The following CRIPT variants were observed in gnomAD, a reference collection of about 807,000 sequenced individuals.
CRIPT encodes the protein cysteine-rich PDZ-binding protein.
CRIPT carries 20 observed loss-of-function variants against 16.6 expected under a neutral mutation model. The observed-to-expected ratio is 1.20, with a 90% CI of 0.85 to 1.75. CRIPT has a LOEUF of 1.75. CRIPT is among the 40% of genes most tolerant of loss of function. The pLI, the probability that CRIPT is intolerant of heterozygous loss-of-function variation, is 0.00. For missense variants in CRIPT, 133 were observed against 115.3 expected (o/e 1.15, Z -0.70); for synonymous variants, 42 against 37.0 (o/e 1.14, Z -0.49).
At chr2:46,619,601 C>G (rs760534988) in intron 2 of CRIPT, 26 bp from the exon 3 acceptor site, 15 of 1,547,828 alleles carry the variant, frequency 9.7e-6, no homozygotes, top group Non-Finnish European at 1.3e-5. Context: ...AAATAACCCA[C>G]TAAAATATCT....
chr2:46,622,718 CAGG>C (rs904378405), intron 3 of CRIPT, among the ~76,000 whole-genome samples: 1 of 151,898 alleles, frequency 6.6e-6, no homozygotes, highest in Non-Finnish European at 1.5e-5. Context: ...GAGGCTGAGA[CAGG>C]AGAATTGCTT....
At position 46,626,202 on chromosome 2, in the gene CRIPT, G is replaced by A. The variant is rs1360268310; in HGVS notation, c.*1975G>A. On this transcript the variant is annotated 3_prime_UTR_variant, in exon 5 of 5. Coordinates refer to ENST00000238892, the MANE Select transcript of CRIPT (RefSeq NM_014171.6). ...GAGAACATGCGGTCTTTGGTTTTCT[G>A]TTCCTGTGTATATTCACTATAATGA... Among the ~76,000 whole-genome samples, 1 of 152,190 alleles carries A rather than the reference G, an allele frequency of 6.6e-6. No homozygotes were observed. The highest frequency in any genetic ancestry group is 2.1e-4 in the South Asian group (1 of 4,828).
Position 46,617,253 on chromosome 2 carries a change from T to TGC in CRIPT, c.-30_-29insGC, listed in dbSNP as rs747818861. 11 of 1,553,114 alleles carry TGC rather than the reference T, an allele frequency of 7.1e-6. No individual in the cohort carries two copies. The African/African-American group carries it at 1.5e-4, about 21-fold the overall frequency. On this transcript the variant is annotated 5_prime_UTR_variant, in exon 1 of 5. Transcript: ENST00000238892. ...TTTCAGCCTGCTGCTGCTGCTGCTG[T>TGC]TGCGGCTAGGGGAACCGTCGTGGGG... is the stretch of plus-strand genomic sequence containing the variant.
Position 46,628,833 on chromosome 2 carries a change from A to G in CRIPT, c.*4606A>G, listed in dbSNP as rs1004982210. On this transcript the variant is annotated 3_prime_UTR_variant, in exon 5 of 5. Coordinates refer to ENST00000238892, the MANE Select transcript of CRIPT (RefSeq NM_014171.6). ...ATTTTTAAAAGGAAGACATACAAAC[A>G]GACACTATAACCAAATAAGATGACA... Among the ~76,000 whole-genome samples the G allele has an allele frequency of 5.9e-5, 9 of 152,274 alleles. No homozygotes were observed. The highest frequency in any genetic ancestry group is 1.9e-4 in the African/African-American group (8 of 41,482).
At chr2:46,617,392 C>T (rs1192253772) in intron 1 of CRIPT, 94 bp downstream of exon 1, 10 of 1,375,002 alleles carry the variant, frequency 7.3e-6, no homozygotes, top group Non-Finnish European at 9.0e-6. Flanking sequence ...TTTTTCTTCG[C>T]CCACAGGTCT....
rs1671029608 is a variant in CRIPT, at chr2:46,629,899, A to C, written c.*5672A>C. Among the ~76,000 whole-genome samples the C allele has an allele frequency of 6.6e-6, 1 of 152,208 alleles. No homozygotes were observed. The highest frequency in any genetic ancestry group is 2.4e-5 in the African/African-American group (1 of 41,444). On this transcript the variant is annotated 3_prime_UTR_variant, in exon 5 of 5. Transcript: ENST00000238892. ...AGCATCCTTTGACGATTCTTGTCTG[A>C]ATAAATTTTTACTAGGATGTTTCCA...
chr2:46,622,572 G>C (rs1670837359), intron 3 of CRIPT, among the ~76,000 whole-genome samples: 2 of 152,088 alleles, frequency 1.3e-5, no homozygotes, highest in African/African-American at 2.4e-5. Context: ...CCAGCACTTT[G>C]GGAGGCCAAC....
In CRIPT at chr2:46,628,993, G is replaced by A. The variant is rs765622997; in HGVS notation, c.*4766G>A. ...AAAGAATCTGTTAAGATATCAGATT[G>A]TAATATAAAAGATACTAGAAACAAA... On this transcript the variant is annotated 3_prime_UTR_variant, in exon 5 of 5. Transcript: ENST00000238892. 2.0e-5 allele frequency among the ~76,000 whole-genome samples: 3 copies of A among 152,178 alleles called. No individual in the cohort carries two copies. The highest frequency in any genetic ancestry group is 2.9e-5 in the Non-Finnish European group (2 of 68,028).
At chr2:46,617,403 CAG>C in intron 1 of CRIPT, 105 bp downstream of exon 1, 1 of 1,265,892 alleles carries the variant, frequency 7.9e-7, no homozygotes, top group Non-Finnish European at 1.1e-6. Flanking sequence ...CCACAGGTCT[CAG>C]ATTCTATCCG....
At position 46,627,225 on chromosome 2, in the gene CRIPT, C is replaced by G. The variant is rs1989720; in HGVS notation, c.*2998C>G. On this transcript the variant is annotated 3_prime_UTR_variant, in exon 5 of 5. Transcript: ENST00000238892. Reference sequence around the variant, plus strand: ...TTCAGATGCACAGTTTGTGAATATTCTCTCCCATTCTGTAGGTTGTCTGTT... The same window carrying G: ...TTCAGATGCACAGTTTGTGAATATTGTCTCCCATTCTGTAGGTTGTCTGTT... Among the ~76,000 whole-genome samples the G allele has an allele frequency of 1.2e-4, 18 of 152,062 alleles. No homozygotes were observed. The East Asian group carries it at 2.1e-3, about 18-fold the overall frequency.
At chr2:46,619,759 G>A (rs1670759079) in intron 3 of CRIPT, 78 bp downstream of exon 3, 1 of 1,091,578 alleles carries the variant, frequency 9.2e-7, no homozygotes, top group Non-Finnish European at 1.4e-6. Flanking sequence ...AATTTGATGT[G>A]CATCATTCCA....
At position 46,629,685 on chromosome 2, in the gene CRIPT, T is replaced by G. The variant is rs1032336104; in HGVS notation, c.*5458T>G. 6.6e-6 allele frequency among the ~76,000 whole-genome samples: 1 copy of G among 152,204 alleles called. No individual in the cohort carries two copies. The highest frequency in any genetic ancestry group is 2.4e-5 in the African/African-American group (1 of 41,442). On this transcript the variant is annotated 3_prime_UTR_variant, in exon 5 of 5. Coordinates refer to ENST00000238892, the MANE Select transcript of CRIPT (RefSeq NM_014171.6). ...AAGTGATATGTATTGCAGGTATACATCCAGATGCACAGAATGTCCATTTGT... is the reference window on the plus strand; with the variant it reads ...AAGTGATATGTATTGCAGGTATACAGCCAGATGCACAGAATGTCCATTTGT...
At chr2:46,617,326 G>C in intron 1 of CRIPT, 28 bp downstream of exon 1, 1 of 1,552,376 alleles carries the variant, frequency 6.4e-7, no homozygotes, top group Non-Finnish European at 8.7e-7. Context: ...TTCTGCGGGA[G>C]GAGGAGGCTG....
chr2:46,624,844 A>G lies in CRIPT; in HGVS notation c.*617A>G, dbSNP rs1379871988. Reference sequence around the variant, plus strand: ...ACACAAGGAGCATCCATATGGCCAAATAAATACACTGAATTTTAGAAAAAC... The same window carrying G: ...ACACAAGGAGCATCCATATGGCCAAGTAAATACACTGAATTTTAGAAAAAC... On this transcript the variant is annotated 3_prime_UTR_variant, in exon 5 of 5. Coordinates refer to ENST00000238892, the MANE Select transcript of CRIPT (RefSeq NM_014171.6). The G allele has an allele frequency of 6.6e-6, 1 of 152,232 alleles. No homozygotes were observed. Among genetic ancestry groups the G allele is most frequent in the Non-Finnish European group, 1.5e-5 (1 of 68,036 alleles). 9.4% of individuals were successfully genotyped at this position (152,232 alleles called of 1,614,324 possible). A position where few individuals can be genotyped will look rare whatever the true frequency, so the allele number is the denominator to read the frequency against.
At chr2:46,623,120 C>T (rs1670850801) in intron 3 of CRIPT, among the ~76,000 whole-genome samples, 1 of 151,998 alleles carries the variant, frequency 6.6e-6, no homozygotes, top group African/African-American at 2.4e-5. Context: ...CTAATGTAAG[C>T]AGTCATTAAA....
intron 3 of CRIPT, among the ~76,000 whole-genome samples, chr2:46,621,936 C>A (rs1670814617): frequency 6.6e-6 from 1 of 152,176 alleles, no homozygotes; most frequent in Non-Finnish European, 1.5e-5. Context: ...CAAACTTACT[C>A]TGATATCATT....
Position 46,617,232 on chromosome 2 carries a change from A to G in CRIPT, c.-51A>G. On this transcript the variant is annotated 5_prime_UTR_variant, in exon 1 of 5. Transcript: ENST00000238892. ...TCCAAGTTGTAGTGTTGTTGTTTTCAGCCTGCTGCTGCTGCTGCTGTTGCG... is the reference window on the plus strand; with the variant it reads ...TCCAAGTTGTAGTGTTGTTGTTTTCGGCCTGCTGCTGCTGCTGCTGTTGCG... 2 of 1,551,628 alleles carry G rather than the reference A, an allele frequency of 1.3e-6. No individual in the cohort carries two copies. The highest frequency in any genetic ancestry group is 1.7e-6 in the Non-Finnish European group (2 of 1,147,046).
Position 46,624,372 on chromosome 2 carries a change from A to C in CRIPT, c.*145A>C. ...TTTGATTGTTACTCATTTTGCTCTCATGTTCTAAACAGCAACAGTGTAACT... is the reference window on the plus strand; with the variant it reads ...TTTGATTGTTACTCATTTTGCTCTCCTGTTCTAAACAGCAACAGTGTAACT... On this transcript the variant is annotated 3_prime_UTR_variant, in exon 5 of 5. Coordinates refer to ENST00000238892, the MANE Select transcript of CRIPT (RefSeq NM_014171.6). 2.2e-6 allele frequency: 1 copy of C among 445,778 alleles called. No homozygotes were observed. Among genetic ancestry groups the C allele is most frequent in the Non-Finnish European group, 3.9e-6 (1 of 256,646 alleles). The allele number at this position is 445,778 out of a possible 1,614,324, so 27.6% of individuals were successfully genotyped here.
chr2:46,619,529 G>A (rs1460318503), intron 2 of CRIPT, 98 bp from the exon 3 acceptor site: 1 of 685,828 alleles, frequency 1.5e-6, no homozygotes, highest in African/African-American at 1.9e-5. Flanking sequence ...ATTAGATATA[G>A]ACTACTATTT....
Sources: allele counts gnomAD v4.1 joint callset (sites outside exome capture counted in the v4.1 genomes callset), GRCh38; gene constraint gnomAD v4.1.1; transcripts MANE v1.5; gene names NCBI Gene and HGNC (gene_info 2026-07-23, HGNC 2026-07-21).